Variants in AVEN observed in about 807,000 individuals in gnomAD.
AVEN encodes the protein cell death regulator Aven.
In AVEN, 41 loss-of-function variants were observed where a neutral mutation model predicts 38.1. That is an observed-to-expected ratio of 1.08 (90% CI 0.84 to 1.40). The LOEUF (loss-of-function observed/expected upper bound fraction) is 1.40, where lower values mean the gene tolerates loss of function less well. Ranked by LOEUF, AVEN falls within the 40% of genes most tolerant of loss-of-function variation. The probability of loss-of-function intolerance (pLI) is 0.00; values close to 1 mark genes in which losing one functional copy is unlikely to be tolerated. For synonymous variants in AVEN, 206 were observed against 171.8 expected, an observed-to-expected ratio of 1.20 and a Z score of -1.56; for missense variants, 605 against 438.8, an observed-to-expected ratio of 1.38 and a Z score of -3.38.
At chr15:34,034,642 A>G (rs2140776960) in intron 1 of AVEN, among the ~76,000 whole-genome samples, 1 of 152,330 alleles carries the variant, frequency 6.6e-6, no homozygotes. Context: ...CAAGCAAAAA[A>G]GTTCAGTTGT....
chr15:34,038,375 C>G (rs1317020307), intron 1 of AVEN, among the ~76,000 whole-genome samples: 1 of 152,182 alleles, frequency 6.6e-6, no homozygotes, highest in Non-Finnish European at 1.5e-5. Context: ...GGAGCGTGCC[C>G]GTAAAGGCTG....
chr15:34,033,775 AG>A (rs1206785280), intron 1 of AVEN, among the ~76,000 whole-genome samples: 2 of 152,060 alleles, frequency 1.3e-5, no homozygotes, highest in Non-Finnish European at 2.9e-5. Flanking sequence ...ACACTACTAA[AG>A]AGTTGGGTTT....
intron 2 of AVEN, among the ~76,000 whole-genome samples, chr15:33,993,708 C>T (rs1426255126): frequency 6.6e-6 from 1 of 152,184 alleles, no homozygotes; most frequent in Non-Finnish European, 1.5e-5. Flanking sequence ...GCCAACACCA[C>T]ACCTGCTACC....
intron 1 of AVEN, among the ~76,000 whole-genome samples, chr15:34,034,560 T>C (rs1899029239): frequency 6.6e-6 from 1 of 152,186 alleles, no homozygotes; most frequent in African/African-American, 2.4e-5. Context: ...CTCTGATCCA[T>C]TGATAAAAAT....
chr15:33,854,746 C>G (rs189400814), downstream of AVEN: 1 of 1,583,718 alleles, frequency 6.3e-7, no homozygotes, highest in African/African-American at 1.4e-5. Context: ...GCTTAAAAGT[C>G]TGCTTTCTTC....
At chr15:33,873,814 C>CA in intron 3 of AVEN, among the ~76,000 whole-genome samples, 1 of 152,286 alleles carries the variant, frequency 6.6e-6, no homozygotes, top group East Asian at 1.9e-4. Flanking sequence ...CCTAGTTACT[C>CA]AAGCTAGAAA....
At position 34,008,092 on chromosome 15, in the gene AVEN, A is replaced by G. The variant is rs189097966; in HGVS notation, c.268-4883T>C. On this transcript the variant is annotated intron_variant, in intron 1 of 5. Coordinates refer to ENST00000306730, the MANE Select transcript of AVEN (RefSeq NM_020371.3). ...TAAACCTATCAAAATTCTTGGAAGA[A>G]AAAATCACCTATCACAGGAGAAAAA... is the stretch of plus-strand genomic sequence containing the variant. Among the ~76,000 whole-genome samples the G allele has an allele frequency of 3.1e-4, 47 of 152,252 alleles. No homozygotes were observed. In the East Asian group the frequency reaches 8.7e-3, roughly 28 times the overall value.
intron 2 of AVEN, among the ~76,000 whole-genome samples, chr15:33,926,577 G>A (rs1017642269): frequency 6.6e-6 from 1 of 152,216 alleles, no homozygotes; most frequent in Non-Finnish European, 1.5e-5. Flanking sequence ...TGGGGAGGCT[G>A]AGACAGGAGG....
chr15:34,045,181 T>C (rs1167259622), intron 5 of AVEN, among the ~76,000 whole-genome samples: 2 of 152,244 alleles, frequency 1.3e-5, no homozygotes, highest in Non-Finnish European at 2.9e-5. Flanking sequence ...AAAGATGAAC[T>C]CTTTCAGTTC....
intron 2 of AVEN, among the ~76,000 whole-genome samples, chr15:33,881,706 C>CT (rs1384700410): frequency 2.0e-5 from 3 of 152,308 alleles, no homozygotes; most frequent in South Asian, 4.1e-4. Context: ...AAATGTGCTA[C>CT]TTTTATATCT....
intron 2 of AVEN, among the ~76,000 whole-genome samples, chr15:33,933,506 CACACACACACACACA>C (rs1893929107): frequency 1.0e-4 from 12 of 118,392 alleles, no homozygotes; most frequent in South Asian, 3.0e-4. Flanking sequence ...CACACACACA[CACACACACACACACA>C]CACAGAGAGA....
In AVEN at chr15:34,037,119, A is replaced by AT. The variant is rs1277322005; in HGVS notation, c.267+1660_267+1661insA. ...AGTAAAACTCCGTCTCAAAAAAAAAAAAAAAATATATACCATCATTTCACC... is the reference window on the plus strand; with the variant it reads ...AGTAAAACTCCGTCTCAAAAAAAAAATAAAAAATATATACCATCATTTCACC... On this transcript the variant is annotated intron_variant, in intron 1 of 5. Coordinates refer to ENST00000306730, the MANE Select transcript of AVEN (RefSeq NM_020371.3). Among the ~76,000 whole-genome samples, 11 of 151,248 alleles carry AT rather than the reference A, an allele frequency of 7.3e-5. No individual in the cohort carries two copies. The South Asian group carries it at 1.7e-3, about 23-fold the overall frequency.
intron 2 of AVEN, among the ~76,000 whole-genome samples, chr15:33,930,115 C>T (rs1386395565): frequency 1.3e-5 from 2 of 151,318 alleles, no homozygotes; most frequent in Admixed American, 1.3e-4. Flanking sequence ...TGGTAAGTCT[C>T]CAAAGCAATA....
intron 2 of AVEN, chr15:34,066,845 G>C (rs1900524400): frequency 6.6e-6 from 1 of 150,940 alleles, no homozygotes; most frequent in African/African-American, 2.4e-5. Flanking sequence ...AGAGGTCAAT[G>C]CTTCTTTTTT....
exon 4 of AVEN, chr15:34,066,075 C>T (rs1900502811): frequency 2.0e-5 from 3 of 152,278 alleles, no homozygotes; most frequent in African/African-American, 7.2e-5. Flanking sequence ...CAGGACGGGA[C>T]TGGTCCCTTA....
intron 2 of AVEN, among the ~76,000 whole-genome samples, chr15:33,925,999 T>C (rs943630704): frequency 2.0e-5 from 3 of 152,182 alleles, no homozygotes; most frequent in Admixed American, 1.3e-4. Flanking sequence ...AGCAACCATG[T>C]ATGTGCTGTT....
At chr15:33,995,207 T>C (rs1245712821) in intron 2 of AVEN, among the ~76,000 whole-genome samples, 1 of 152,066 alleles carries the variant, frequency 6.6e-6, no homozygotes. Flanking sequence ...AAGGCTGCAG[T>C]GAGCTATGAT....
intron 2 of AVEN, among the ~76,000 whole-genome samples, chr15:33,926,341 C>A (rs1411010657): frequency 6.6e-6 from 1 of 152,132 alleles, no homozygotes; most frequent in African/African-American, 2.4e-5. Flanking sequence ...ACTAAGCATG[C>A]TGGAAAGGTC....
downstream of AVEN, among the ~76,000 whole-genome samples, chr15:33,863,368 C>T (rs749471616): frequency 5.3e-5 from 8 of 152,176 alleles, no homozygotes; most frequent in South Asian, 2.1e-4. Context: ...CAGGACCTGA[C>T]GCTCTATACA....
Sources: allele counts gnomAD v4.1 joint callset (sites outside exome capture counted in the v4.1 genomes callset), GRCh38; gene constraint gnomAD v4.1.1; transcripts MANE v1.5; gene names NCBI Gene and HGNC (gene_info 2026-07-23, HGNC 2026-07-21).